Variants in DCAF17 observed in about 807,000 individuals in gnomAD.
DCAF17 encodes the protein DDB1- and CUL4-associated factor 17.
In DCAF17, 48 loss-of-function variants were observed where a neutral mutation model predicts 66.0. The ratio of observed to expected loss-of-function variants is 0.73; its 90% CI spans 0.58 to 0.92. The LOEUF is 0.92. DCAF17 is among the 40% of genes least tolerant of loss of function. The pLI is 0.00. For missense variants in DCAF17, 562 were observed against 622.8 expected, an observed-to-expected ratio of 0.90 and a Z score of 1.04; for synonymous variants, 206 against 214.6, an observed-to-expected ratio of 0.96 and a Z score of 0.35.
intron 13 of DCAF17, 103 bp from the exon 14 acceptor site, chr2:171,480,871 T>C (rs1696711752): frequency 1.4e-6 from 2 of 1,381,570 alleles, no homozygotes; most frequent in African/African-American, 1.4e-5. Flanking sequence ...TTCTTCTAAG[T>C]GTATGTTTGA....
chr2:171,465,488 ATTTCT>A (rs1239593351), intron 8 of DCAF17, among the ~76,000 whole-genome samples: 2 of 151,788 alleles, frequency 1.3e-5, no homozygotes, highest in African/African-American at 4.8e-5. Flanking sequence ...ACTCTTGGAA[ATTTCT>A]TTTCTTTTTG....
intron 3 of DCAF17, chr2:171,447,351 C>T (rs1694687623): frequency 2.9e-6 from 1 of 349,590 alleles, no homozygotes; most frequent in African/African-American, 2.3e-5. Flanking sequence ...TTCAGCCTCT[C>T]TTTACTTTCT....
intron 1 of DCAF17, 31 bp downstream of exon 1, chr2:171,434,734 G>A (rs1693712622): frequency 1.4e-6 from 2 of 1,401,874 alleles, no homozygotes; most frequent in Non-Finnish European, 1.8e-6. Context: ...GCGGGACGGA[G>A]GGCCGCGGGC....
chr2:171,463,903 A>G (rs1485770317), intron 8 of DCAF17, among the ~76,000 whole-genome samples: 2 of 152,234 alleles, frequency 1.3e-5, no homozygotes, highest in Non-Finnish European at 2.9e-5. Flanking sequence ...AATTATCAAT[A>G]TTCAGAGCAA....
chr2:171,463,112 T>G (rs1310869109), intron 8 of DCAF17, among the ~76,000 whole-genome samples: 2 of 151,690 alleles, frequency 1.3e-5, no homozygotes, highest in African/African-American at 4.8e-5. Flanking sequence ...GCACCTGTGA[T>G]CCCAGCTACT....
intron 6 of DCAF17, 55 bp downstream of exon 6, chr2:171,453,268 G>C: frequency 7.8e-7 from 1 of 1,275,790 alleles, no homozygotes. Context: ...AAGTTGTAAT[G>C]TCATTATTTA....
intron 2 of DCAF17, chr2:171,443,208 AAG>A: frequency 5.1e-6 from 1 of 195,650 alleles, no homozygotes; most frequent in East Asian, 1.3e-4. Context: ...TTCAGAGGTA[AAG>A]AAAGAATTTA....
rs559441907 is a variant in DCAF17 at position 171,435,136 on chromosome 2, C to T, written c.180C>T (p.Ala60=). The stretch of plus-strand genomic sequence containing the variant: ...CAACTCATTCCAGGTCACCTATAGC[C>T]TATGAGAGAGGAAGAATATATTTTG... The part of the protein sequence containing the change: ...VWTTHSRSPI[A]YERGRIYFDN... Residue 60 remains alanine, a synonymous_variant, in exon 2 of 14, where the codon GCC becomes GCT. Coordinates refer to ENST00000375255, the MANE Select transcript of DCAF17 (RefSeq NM_025000.4). 6 of 1,613,640 alleles carry T rather than the reference C, an allele frequency of 3.7e-6. No individual in the cohort carries two copies. The African/African-American group carries it at 8.0e-5, about 22-fold the overall frequency.
At chr2:171,467,749 A>ACC (rs1311204979) in intron 8 of DCAF17, among the ~76,000 whole-genome samples, 9 of 145,230 alleles carry the variant, frequency 6.2e-5, no homozygotes, top group Non-Finnish European at 4.5e-5. Flanking sequence ...AAAAAAAAAA[A>ACC]AAAAAGTTGT....
At chr2:171,479,876 C>G in intron 12 of DCAF17, 162 bp from the exon 13 acceptor site, 1 of 738,234 alleles carries the variant, frequency 1.4e-6, no homozygotes, top group Non-Finnish European at 2.2e-6. Flanking sequence ...TTTTACTAGG[C>G]ATATAAACAG....
intron 6 of DCAF17, among the ~76,000 whole-genome samples, 184 bp from the exon 7 acceptor site, chr2:171,457,787 G>T (rs1695342364): frequency 6.6e-6 from 1 of 152,152 alleles, no homozygotes; most frequent in Non-Finnish European, 1.5e-5. Context: ...GAATCCAGTG[G>T]CTTACTGTTC....
intron 2 of DCAF17, among the ~76,000 whole-genome samples, chr2:171,436,161 CT>C (rs1184809969): frequency 6.6e-6 from 1 of 152,184 alleles, no homozygotes; most frequent in Admixed American, 6.5e-5. Flanking sequence ...ATCAGAATTC[CT>C]TTATAAAGTT....
intron 2 of DCAF17, among the ~76,000 whole-genome samples, chr2:171,442,337 T>A (rs963301384): frequency 3.9e-5 from 6 of 152,038 alleles, no homozygotes; most frequent in African/African-American, 1.5e-4. Flanking sequence ...GGCAGGCAGA[T>A]CACGTGGTCA....
rs1696811490 is a variant in DCAF17, at chr2:171,483,134, A to AT, written c.*2021dup. 2 of 454,016 alleles carry AT rather than the reference A, an allele frequency of 4.4e-6. No individual in the cohort carries two copies. 28.1% of individuals were successfully genotyped at this position (454,016 alleles called of 1,614,324 possible). A position where few individuals can be genotyped will look rare whatever the true frequency, so the allele number is the denominator to read the frequency against. The stretch of plus-strand genomic sequence containing the variant: ...ATAGCAAAGAATGTGGGGAATTTGG[A>AT]TACCACACATAGCGAGAGACAATGA... On this transcript the variant is annotated 3_prime_UTR_variant, in exon 14 of 14. Transcript: ENST00000375255.
intron 9 of DCAF17, among the ~76,000 whole-genome samples, chr2:171,470,291 T>A (rs1696168954): frequency 6.6e-6 from 1 of 152,108 alleles, no homozygotes; most frequent in Non-Finnish European, 1.5e-5. Context: ...CAGAAGAATT[T>A]GCTTTTTTTT....
intron 8 of DCAF17, among the ~76,000 whole-genome samples, chr2:171,461,887 G>A (rs759180619): frequency 1.2e-4 from 18 of 152,046 alleles, no homozygotes; most frequent in Non-Finnish European, 2.2e-4. Flanking sequence ...ATTTTCTGGA[G>A]TTTTATATTA....
chr2:171,439,923 CAAAAA>C (rs1180793044), intron 2 of DCAF17, among the ~76,000 whole-genome samples: 1 of 151,492 alleles, frequency 6.6e-6, no homozygotes, highest in East Asian at 1.9e-4. Flanking sequence ...GAGCGAGACT[CAAAAA>C]AGAAAACCCC....
At chr2:171,454,326 C>T (rs1057034150) in intron 6 of DCAF17, among the ~76,000 whole-genome samples, 36 of 150,992 alleles carry the variant, frequency 2.4e-4, no homozygotes, top group African/African-American at 8.3e-4. Context: ...GCTCTGTCAC[C>T]CAGGCTGCAG....
At chr2:171,454,942 T>C (rs1010530943) in intron 6 of DCAF17, among the ~76,000 whole-genome samples, 8 of 151,996 alleles carry the variant, frequency 5.3e-5, no homozygotes, top group African/African-American at 1.9e-4. Flanking sequence ...TTTTTCTTTC[T>C]TTTTTTAAAG....
Sources: allele counts gnomAD v4.1 joint callset (sites outside exome capture counted in the v4.1 genomes callset), GRCh38; gene constraint gnomAD v4.1.1; transcripts MANE v1.5; gene names NCBI Gene and HGNC (gene_info 2026-07-23, HGNC 2026-07-21).